The following RAD52 variants were observed in gnomAD, a reference collection of about 807,000 sequenced individuals.
RAD52 encodes DNA repair protein RAD52 homolog.
In RAD52, 47 loss-of-function variants were observed where a neutral mutation model predicts 55.5. The ratio of observed to expected loss-of-function variants is 0.85; its 90% CI spans 0.67 to 1.08. The LOEUF (loss-of-function observed/expected upper bound fraction) is 1.08, where lower values mean the gene tolerates loss of function less well. RAD52 is among the 50% of genes least tolerant of loss of function. The pLI is 0.00. For synonymous variants in RAD52, 184 were observed against 198.9 expected, an observed-to-expected ratio of 0.92 and a Z score of 0.63; for missense variants, 468 against 522.8, an observed-to-expected ratio of 0.90 and a Z score of 1.02.
At position 930,061 on chromosome 12, in the gene RAD52, C is replaced by T. The variant is rs560269726; in HGVS notation, c.270G>A (p.Gln90=). Residue 90 remains glutamine (Q), a synonymous_variant, in exon 4 of 12, where the codon CAG becomes CAA. Transcript: ENST00000358495. ...GYNGWAHSIT[Q]QNVDFVDLNN... ...GGAGAGCATACTCACCCACATTCTG[C>T]TGCGTGATGGAGTGTGCCCAGCCAT... 2 of 1,613,592 alleles carry T rather than the reference C, an allele frequency of 1.2e-6. No individual in the cohort carries two copies. The highest frequency in any genetic ancestry group is 1.3e-5 in the African/African-American group (1 of 75,034).
At chr12:981,433 T>C (rs1376688350) in intron 1 of RAD52, among the ~76,000 whole-genome samples, 1 of 152,162 alleles carries the variant, frequency 6.6e-6, no homozygotes, top group Non-Finnish European at 1.5e-5. Context: ...TGAGTCATTC[T>C]GCGGCAAAGT....
At chr12:924,020 C>A (rs1230114319) in intron 7 of RAD52, among the ~76,000 whole-genome samples, 1 of 150,540 alleles carries the variant, frequency 6.6e-6, no homozygotes, top group Non-Finnish European at 1.5e-5. Flanking sequence ...GATCACACTA[C>A]TGCACTCCAG....
At chr12:924,072 A>G (rs1293307545) in intron 7 of RAD52, among the ~76,000 whole-genome samples, 1 of 146,038 alleles carries the variant, frequency 6.8e-6, no homozygotes, top group African/African-American at 2.5e-5. Flanking sequence ...AAAAAAAAGA[A>G]AAAGAAAACT....
upstream of RAD52, among the ~76,000 whole-genome samples, chr12:951,460 T>G (rs762231838): frequency 6.6e-6 from 1 of 152,210 alleles, no homozygotes; most frequent in Non-Finnish European, 1.5e-5. Flanking sequence ...TATGAGTTGT[T>G]TGCTTTCTTC....
chr12:939,052 T>TTGTGTGTGTG lies in RAD52; in HGVS notation c.-18-5986_-18-5977dup, dbSNP rs1555176185. On this transcript the variant is annotated intron_variant, in intron 1 of 11. Coordinates refer to ENST00000358495, the MANE Select transcript of RAD52 (RefSeq NM_134424.4). Reference sequence around the variant, plus strand: ...ACTTACTCTCAATTCATTCAACTAATTGTGTGTGTGTGTGTGTGTGTGTGT... The same window carrying TTGTGTGTGTG: ...ACTTACTCTCAATTCATTCAACTAATTGTGTGTGTGTGTGTGTGTGTGTGTGTGTGTGTGT... Among the ~76,000 whole-genome samples the TTGTGTGTGTG allele has an allele frequency of 7.3e-3, 1,029 of 141,106 alleles. 10 individuals are homozygous for TTGTGTGTGTG. Among genetic ancestry groups the TTGTGTGTGTG allele is most frequent in the African/African-American group, 0.02 (750 of 37,790 alleles). The allele number at this position is 141,106 out of a possible 152,430, so 92.6% of individuals were successfully genotyped here.
In RAD52 at chr12:913,149, C is replaced by G. The variant is rs576886633; in HGVS notation, c.*242G>C. The G allele has an allele frequency of 1.9e-5, 8 of 423,298 alleles. No homozygotes were observed. The South Asian group carries it at 4.1e-4, about 21-fold the overall frequency. 26.2% of individuals were successfully genotyped at this position (423,298 alleles called of 1,614,324 possible). A position where few individuals can be genotyped will look rare whatever the true frequency, so the allele number is the denominator to read the frequency against. On this transcript the variant is annotated 3_prime_UTR_variant, in exon 12 of 12. Coordinates refer to ENST00000358495, the MANE Select transcript of RAD52 (RefSeq NM_134424.4). Reference sequence around the variant, plus strand: ...ATAAATAGTGGGAAGCCTCACAAGCCGAAGAAAAGGTATTCATCTGTCCAG... The same window carrying G: ...ATAAATAGTGGGAAGCCTCACAAGCGGAAGAAAAGGTATTCATCTGTCCAG...
At chr12:950,160 G>C, upstream of RAD52, among the ~76,000 whole-genome samples, 1 of 152,226 alleles carries the variant, frequency 6.6e-6, no homozygotes, top group Middle Eastern at 3.2e-3. Flanking sequence ...GGACCTGGTG[G>C]TTCTCGCGGC....
intron 1 of RAD52, among the ~76,000 whole-genome samples, chr12:969,613 CCT>C (rs1456485327): frequency 2.6e-5 from 4 of 151,296 alleles, no homozygotes; most frequent in African/African-American, 7.3e-5. Flanking sequence ...ACAGGGAGCC[CCT>C]GTCTCTACAA....
At chr12:972,726 A>T (rs1349556930) in intron 1 of RAD52, among the ~76,000 whole-genome samples, 1 of 142,038 alleles carries the variant, frequency 7.0e-6, no homozygotes, top group Non-Finnish European at 1.5e-5. Flanking sequence ...AGATAGCACC[A>T]CTGCACTCCA....
Position 912,722 on chromosome 12 carries a change from CAAAAAAAAA to C in RAD52, c.*660_*668del, listed in dbSNP as rs60090525. ...AGGGCAACACAGCCAGACCCCGTCT[CAAAAAAAAA>C]AAAAAAAAAAAAAACAAAAAACAGC... On this transcript the variant is annotated 3_prime_UTR_variant, in exon 12 of 12. Coordinates refer to ENST00000358495, the MANE Select transcript of RAD52 (RefSeq NM_134424.4). The C allele has an allele frequency of 2.1e-4, 15 of 73,160 alleles. No individual in the cohort carries two copies. The highest frequency in any genetic ancestry group is 6.5e-4 in the African/African-American group (13 of 19,908). The allele number at this position is 73,160 out of a possible 1,614,324, so 4.5% of individuals were successfully genotyped here.
At chr12:930,517 C>T (rs2154114136) in intron 3 of RAD52, among the ~76,000 whole-genome samples, 1 of 151,904 alleles carries the variant, frequency 6.6e-6, no homozygotes, top group East Asian at 1.9e-4. Flanking sequence ...GCAAAAAGTA[C>T]AAATCTGTTT....
At chr12:930,564 G>T in intron 3 of RAD52, among the ~76,000 whole-genome samples, 1 of 151,820 alleles carries the variant, frequency 6.6e-6, no homozygotes, top group East Asian at 1.9e-4. Flanking sequence ...ATACACAGAA[G>T]TTAAAATTAG....
intron 1 of RAD52, among the ~76,000 whole-genome samples, chr12:955,819 C>T (rs1333255089): frequency 5.3e-5 from 8 of 151,280 alleles, no homozygotes; most frequent in Non-Finnish European, 1.0e-4. Flanking sequence ...TGCTCTGTTG[C>T]GCCCAGGCTG....
chr12:975,639 T>C (rs1164818642), intron 1 of RAD52: 1 of 152,168 alleles, frequency 6.6e-6, no homozygotes, highest in Non-Finnish European at 1.5e-5. Context: ...TTGACCTCAT[T>C]TCTCCCATTA....
rs1375486332 is a variant in RAD52, at chr12:959,487, C to T, written c.-18-26411G>A. Among the ~76,000 whole-genome samples the T allele has an allele frequency of 5.9e-5, 9 of 152,228 alleles. No individual in the cohort carries two copies. The South Asian group carries it at 8.3e-4, about 14-fold the overall frequency. ...TTATGGTGACGTTAAATGAGATGTT[C>T]GACAATGACTTTATGTCGATAACTG... On this transcript the variant is annotated intron_variant, in intron 1 of 11. Coordinates refer to the RAD52 transcript ENST00000430095.
rs148265630 is a variant in RAD52 at position 984,067 on chromosome 12, T to A, written c.-19+5742A>T. Among the ~76,000 whole-genome samples the A allele has an allele frequency of 1.2e-4, 18 of 152,338 alleles. No individual in the cohort carries two copies. In the East Asian group the frequency reaches 3.3e-3, roughly 28 times the overall value. On this transcript the variant is annotated intron_variant, in intron 1 of 11. Coordinates refer to the RAD52 transcript ENST00000430095. The stretch of plus-strand genomic sequence containing the variant: ...GTGGCATTAAGTACATTCACAATGA[T>A]CTGCAGACATCACCCTTATCTTCTC...
chr12:965,836 A>G (rs4600276), intron 1 of RAD52, among the ~76,000 whole-genome samples: 150,212 of 151,980 alleles, frequency 0.99, 74,274 homozygotes, highest in Non-Finnish European at 1. Context: ...ACACATATGC[A>G]CCACCACACC....
intron 1 of RAD52, among the ~76,000 whole-genome samples, chr12:970,841 T>C (rs7967165): frequency 0.62 from 94,783 of 152,042 alleles, 34,486 homozygotes; most frequent in Non-Finnish European, 0.83. Flanking sequence ...ACTCTTCTCA[T>C]CAATAACCAA....
intron 1 of RAD52, among the ~76,000 whole-genome samples, chr12:961,569 A>G (rs1309864982): frequency 6.6e-6 from 1 of 151,490 alleles, no homozygotes; most frequent in African/African-American, 2.4e-5. Flanking sequence ...ACAAAGAGAG[A>G]CACTATGGCT....
Sources: allele counts gnomAD v4.1 joint callset (sites outside exome capture counted in the v4.1 genomes callset), GRCh38; gene constraint gnomAD v4.1.1; transcripts MANE v1.5; gene names NCBI Gene and HGNC (gene_info 2026-07-23, HGNC 2026-07-21).